Variants in CCDC180 observed in about 807,000 individuals in gnomAD.
CCDC180 encodes the protein coiled-coil domain-containing protein 180.
Under a neutral mutation model 209.2 loss-of-function variants are expected in CCDC180, and 154 were observed. The observed-to-expected ratio is 0.74, with a 90% CI of 0.65 to 0.84. CCDC180 has a LOEUF of 0.84. Among genes scored for constraint, CCDC180 ranks in the 40% least tolerant of loss-of-function variants. CCDC180 has a pLI of 0.00. For missense variants in CCDC180, 1,874 were observed against 1,997.3 expected (o/e 0.94, Z 1.18); for synonymous variants, 778 against 749.1 (o/e 1.04, Z -0.63).
chr9:97,349,410 T>C (rs912965710), intron 21 of CCDC180, 119 bp downstream of exon 21: 3 of 803,626 alleles, frequency 3.7e-6, no homozygotes. Context: ...CTCCAGAGCC[T>C]TCTTTTGAGT....
intron 18 of CCDC180, among the ~76,000 whole-genome samples, chr9:97,341,342 A>T (rs1328723487): frequency 6.6e-6 from 1 of 152,002 alleles, no homozygotes; most frequent in African/African-American, 2.4e-5. Context: ...GCACACGGGG[A>T]GAGACCCACC....
chr9:97,363,872 G>A (rs973074437), intron 28 of CCDC180, 179 bp from the exon 29 acceptor site: 6 of 615,688 alleles, frequency 9.7e-6, no homozygotes, highest in South Asian at 6.0e-5. Context: ...TTACGGTAAG[G>A]TAGACTCACA....
intron 19 of CCDC180, 90 bp downstream of exon 19, chr9:97,343,653 T>C (rs1291895362): frequency 3.4e-5 from 34 of 1,010,194 alleles, no homozygotes; most frequent in Non-Finnish European, 4.7e-5. Flanking sequence ...ATTGGGCTGG[T>C]ATCAGTTGGA....
At position 97,350,553 on chromosome 9, in the gene CCDC180, C is replaced by T; in HGVS notation, c.3000C>T (p.Cys1000=). ...RYSNIEFIKH[C]RLFSEGGNFS... ...CAAATATTGAGTTCATCAAACACTG[C>T]AGGTGGGAGCCAGTGTCCAGGGCCT... The change falls in exon 22 of 37, where the codon TGC becomes TGT. Residue 1000 remains cysteine, a splice_region_variant and synonymous_variant. Coordinates refer to ENST00000529487, the MANE Select transcript of CCDC180 (RefSeq NM_020893.6). 1 of 1,536,380 alleles carries T rather than the reference C, an allele frequency of 6.5e-7. No homozygotes were observed. Among genetic ancestry groups the T allele is most frequent in the Non-Finnish European group, 8.7e-7 (1 of 1,146,952 alleles).
intron 31 of CCDC180, among the ~76,000 whole-genome samples, chr9:97,368,123 A>G (rs548179961): frequency 1.3e-5 from 2 of 152,198 alleles, no homozygotes; most frequent in Non-Finnish European, 2.9e-5. Flanking sequence ...TGGCAGGCTA[A>G]TGGGGGATCC....
chr9:97,374,423 A>G (rs2118023060), intron 34 of CCDC180, 120 bp from the exon 35 acceptor site: 2 of 720,128 alleles, frequency 2.8e-6, no homozygotes, highest in Non-Finnish European at 4.6e-6. Flanking sequence ...TCAGCCTGCC[A>G]TAACTCCAAG....
Position 97,377,004 on chromosome 9 carries a change from T to A in CCDC180, c.*110T>A. The A allele has an allele frequency of 7.8e-7, 1 of 1,279,268 alleles. No individual in the cohort carries two copies. Among genetic ancestry groups the A allele is most frequent in the Non-Finnish European group, 1.1e-6 (1 of 934,404 alleles). The allele number at this position is 1,279,268 out of a possible 1,614,324, so 79.2% of individuals were successfully genotyped here. A position where few individuals can be genotyped will look rare whatever the true frequency, so the allele number is the denominator to read the frequency against. On this transcript the variant is annotated 3_prime_UTR_variant, in exon 37 of 37. Transcript: ENST00000529487. ...CTCCCTCCCTTCATCCCTCCACCCC[T>A]GCTCTGTGCCGGGCACTGTAGCTTT... is the stretch of plus-strand genomic sequence containing the variant.
At chr9:97,340,358 CT>C (rs1434347498) in intron 18 of CCDC180, among the ~76,000 whole-genome samples, 1 of 152,034 alleles carries the variant, frequency 6.6e-6, no homozygotes, top group Non-Finnish European at 1.5e-5. Flanking sequence ...TGTGGATGTC[CT>C]TTTTGTTGAT....
chr9:97,327,523 T>A (rs1307148827), intron 15 of CCDC180, among the ~76,000 whole-genome samples: 1 of 152,178 alleles, frequency 6.6e-6, no homozygotes, highest in Non-Finnish European at 1.5e-5. Context: ...CTTTCTTGCA[T>A]CTTTGTGACT....
intron 28 of CCDC180, among the ~76,000 whole-genome samples, chr9:97,362,745 A>G (rs1426333680): frequency 3.3e-5 from 5 of 152,068 alleles, no homozygotes; most frequent in African/African-American, 1.2e-4. Context: ...CGCCCTGCCC[A>G]CCAAGCCTCA....
chr9:97,350,840 C>G (rs534245159), intron 22 of CCDC180, among the ~76,000 whole-genome samples: 1 of 152,294 alleles, frequency 6.6e-6, no homozygotes, highest in East Asian at 1.9e-4. Flanking sequence ...TGGCAACCAC[C>G]ATCCTCCTTT....
At chr9:97,327,720 G>A (rs1833580283) in intron 15 of CCDC180, among the ~76,000 whole-genome samples, 1 of 152,162 alleles carries the variant, frequency 6.6e-6, no homozygotes, top group South Asian at 2.1e-4. Flanking sequence ...ATGGAATAAT[G>A]TAGGTACCGT....
intron 29 of CCDC180, 120 bp from the exon 30 acceptor site, chr9:97,365,553 G>A (rs368137975): frequency 3.6e-6 from 3 of 832,992 alleles, no homozygotes; most frequent in East Asian, 4.9e-5. Context: ...GCAGCAGTGA[G>A]TAATTTCAAG....
At chr9:97,376,728 C>A (rs1827268845) in intron 36 of CCDC180, 35 bp from the exon 37 acceptor site, 1 of 1,603,370 alleles carries the variant, frequency 6.2e-7, no homozygotes, top group African/African-American at 1.3e-5. Context: ...AGATGTCTCT[C>A]CTCATGTGGA....
rs1184146843 is a variant in CCDC180 at position 97,378,126 on chromosome 9, G to A, written c.*1232G>A. ...GAGAATCGCTTTAACCTGGGAGGTG[G>A]AGGTTGCAGTGAGCCAAGATCATGC... is the stretch of plus-strand genomic sequence containing the variant. On this transcript the variant is annotated 3_prime_UTR_variant, in exon 37 of 37. Transcript: ENST00000529487. The A allele has an allele frequency of 6.6e-6, 1 of 152,194 alleles. No homozygotes were observed. The highest frequency in any genetic ancestry group is 1.5e-5 in the Non-Finnish European group (1 of 68,066). The allele number at this position is 152,194 out of a possible 1,614,324, so 9.4% of individuals were successfully genotyped here. A position where few individuals can be genotyped will look rare whatever the true frequency, so the allele number is the denominator to read the frequency against.
chr9:97,320,389 G>A (rs1200700212), intron 11 of CCDC180, among the ~76,000 whole-genome samples, 184 bp downstream of exon 11: 1 of 152,082 alleles, frequency 6.6e-6, no homozygotes, highest in African/African-American at 2.4e-5. Context: ...CCTCCTCAGT[G>A]CCCAGCCTGC....
Position 97,355,126 on chromosome 9 carries a change from A to G in CCDC180, c.3264+118A>G, listed in dbSNP as rs575599534. 3.0e-4 allele frequency: 200 copies of G among 673,498 alleles called. No homozygotes were observed. In the African/African-American group the frequency reaches 3.4e-3, roughly 12 times the overall value. 41.7% of individuals were successfully genotyped at this position (673,498 alleles called of 1,614,324 possible). A position where few individuals can be genotyped will look rare whatever the true frequency, so the allele number is the denominator to read the frequency against. The stretch of plus-strand genomic sequence containing the variant: ...GTCCCGTGTGTGGGACTTGCTCTCC[A>G]GCCAGGAAGACAGACACAATCTTTT... On this transcript the variant is annotated intron_variant, in intron 24 of 36. Transcript: ENST00000529487.
At position 97,354,881 on chromosome 9, in the gene CCDC180, T is replaced by A; in HGVS notation, c.3148-11T>A. 3 of 1,600,120 alleles carry A rather than the reference T, an allele frequency of 1.9e-6. No individual in the cohort carries two copies. In the South Asian group the frequency reaches 3.3e-5, roughly 18 times the overall value. On this transcript the variant is annotated splice_polypyrimidine_tract_variant and intron_variant, in intron 23 of 36. Coordinates refer to ENST00000529487, the MANE Select transcript of CCDC180 (RefSeq NM_020893.6). ...AAGCCCCTGTCCTTTACCCTTTATC[T>A]CTCTGTACAGGCCAATGATGTCATC...
intron 2 of CCDC180, among the ~76,000 whole-genome samples, chr9:97,309,098 A>G (rs1832896089): frequency 6.6e-6 from 1 of 152,174 alleles, no homozygotes; most frequent in South Asian, 2.1e-4. Flanking sequence ...CAGACATACC[A>G]TGTTTACTCA....
Sources: allele counts gnomAD v4.1 joint callset (sites outside exome capture counted in the v4.1 genomes callset), GRCh38; gene constraint gnomAD v4.1.1; transcripts MANE v1.5; gene names NCBI Gene and HGNC (gene_info 2026-07-23, HGNC 2026-07-21).